The following HIKESHI variants were observed in gnomAD, a reference collection of about 807,000 sequenced individuals.
The protein encoded by HIKESHI is heat shock protein nuclear import factor hikeshi.
A neutral mutation model predicts 25.7 loss-of-function variants in HIKESHI; 13 were observed. The ratio of observed to expected loss-of-function variants is 0.51; its 90% CI spans 0.33 to 0.80. The LOEUF is 0.80. Ranked by LOEUF, HIKESHI falls within the 30% of genes least tolerant of loss-of-function variation. HIKESHI has a pLI of 0.02. For missense variants in HIKESHI, 174 were observed against 229.5 expected (o/e 0.76, Z 1.56); for synonymous variants, 76 against 78.7 (o/e 0.97, Z 0.18).
chr11:86,319,663 A>G (rs1322226884), intron 2 of HIKESHI, among the ~76,000 whole-genome samples: 1 of 152,196 alleles, frequency 6.6e-6, no homozygotes, highest in South Asian at 2.1e-4. Flanking sequence ...CTTTTAATCA[A>G]CATCCATGTA....
intron 2 of HIKESHI, among the ~76,000 whole-genome samples, chr11:86,331,917 A>G (rs970487932): frequency 4.6e-5 from 7 of 150,854 alleles, no homozygotes; most frequent in Middle Eastern, 3.5e-3. Context: ...TTTTTTAGCT[A>G]TGTCATCATA....
At chr11:86,314,438 A>T (rs1433717077) in intron 2 of HIKESHI, among the ~76,000 whole-genome samples, 2 of 152,118 alleles carry the variant, frequency 1.3e-5, no homozygotes, top group Non-Finnish European at 2.9e-5. Flanking sequence ...AACATGGTGG[A>T]ACCCCCTGTA....
intron 4 of HIKESHI, chr11:86,344,936 C>T (rs1445783515): frequency 1.9e-6 from 1 of 536,194 alleles, no homozygotes; most frequent in African/African-American, 1.9e-5. Context: ...TTTATAAAGA[C>T]AGGAAAATAT....
At chr11:86,303,704 A>G (rs1946553136) in intron 1 of HIKESHI, among the ~76,000 whole-genome samples, 1 of 152,220 alleles carries the variant, frequency 6.6e-6, no homozygotes, top group Non-Finnish European at 1.5e-5. Context: ...GTATTAGGAC[A>G]CATCAAAGTG....
intron 2 of HIKESHI, among the ~76,000 whole-genome samples, chr11:86,314,798 C>T (rs1946930166): frequency 6.6e-6 from 1 of 152,156 alleles, no homozygotes; most frequent in South Asian, 2.1e-4. Context: ...GGCTATGGTT[C>T]TTAAAGCATG....
rs139077285 is a variant in HIKESHI at position 86,342,813 on chromosome 11, T to C, written c.421-1790T>C. Among the ~76,000 whole-genome samples the C allele has an allele frequency of 6.8e-4, 103 of 152,240 alleles. 1 individual carries two copies. The East Asian group carries it at 0.014, about 21-fold the overall frequency. On this transcript the variant is annotated intron_variant, in intron 3 of 4. Coordinates refer to ENST00000278483, the MANE Select transcript of HIKESHI (RefSeq NM_016401.4). ...GTCTCTTTTATTCCAATTAGTTTAT[T>C]TGCCTGTCTCTTTGCCAGTGGGGCA...
At chr11:86,309,175 C>T (rs1355270333) in intron 2 of HIKESHI, among the ~76,000 whole-genome samples, 5 of 152,172 alleles carry the variant, frequency 3.3e-5, no homozygotes, top group Non-Finnish European at 5.9e-5. Context: ...AACTAGTTTA[C>T]AGTCCCACCA....
intron 3 of HIKESHI, among the ~76,000 whole-genome samples, chr11:86,342,785 G>A (rs1314613707): frequency 6.6e-6 from 1 of 151,436 alleles, no homozygotes; most frequent in Non-Finnish European, 1.5e-5. Flanking sequence ...TTATTTCTGG[G>A]CTGTCTCTTT....
Sources: gnomAD v4.1 joint callset for allele counts (sites outside exome capture counted in the v4.1 genomes callset) on GRCh38, gnomAD v4.1.1 for gene constraint, MANE v1.5 for transcripts, NCBI Gene and HGNC (gene_info 2026-07-23, HGNC 2026-07-21) for gene names.